The following HIP1 variants were observed in gnomAD, a reference collection of about 807,000 sequenced individuals.
HIP1 encodes huntingtin interacting protein 1.
Under a neutral mutation model 147.6 loss-of-function variants are expected in HIP1, and 65 were observed. That is an observed-to-expected ratio of 0.44 (90% CI 0.36 to 0.54). The LOEUF is 0.54. Among genes scored for constraint, HIP1 ranks in the 20% least tolerant of loss-of-function variants. The pLI is 0.00. For missense variants in HIP1, 1,061 were observed against 1,299.6 expected (o/e 0.82, Z 2.82); for synonymous variants, 479 against 504.0 (o/e 0.95, Z 0.67).
chr7:75,706,605 T>C (rs1181194605), intron 1 of HIP1, among the ~76,000 whole-genome samples: 1 of 148,004 alleles, frequency 6.8e-6, no homozygotes, highest in African/African-American at 2.5e-5. Flanking sequence ...GTTGGTTTCC[T>C]ACACCCATCA....
intron 14 of HIP1, 25 bp downstream of exon 14, chr7:75,559,707 G>GCCCCCCCCCCCCCCC: frequency 9.2e-7 from 1 of 1,087,362 alleles, no homozygotes; most frequent in Non-Finnish European, 1.2e-6. Flanking sequence ...CCCGGGGCCC[G>GCCCCCCCCCCCCCCC]CCCCCGCCCC....
intron 1 of HIP1, among the ~76,000 whole-genome samples, chr7:75,689,717 G>T (rs1428003272): frequency 6.6e-6 from 1 of 152,100 alleles, no homozygotes; most frequent in Non-Finnish European, 1.5e-5. Context: ...AACAAATCCA[G>T]GGGGAGGGCT....
intron 1 of HIP1, among the ~76,000 whole-genome samples, chr7:75,607,221 G>GTTTTTT (rs1192539117): frequency 1.4e-5 from 2 of 138,082 alleles, no homozygotes; most frequent in East Asian, 2.2e-4. Flanking sequence ...AAAAAGAGTT[G>GTTTTTT]TTTTTTGTTT....
intron 1 of HIP1, among the ~76,000 whole-genome samples, chr7:75,627,364 A>G (rs1434995296): frequency 6.6e-6 from 1 of 152,130 alleles, no homozygotes; most frequent in African/African-American, 2.4e-5. Context: ...TTAAATCTCT[A>G]TAGAATAAAG....
At chr7:75,609,915 T>G (rs1797368500) in intron 1 of HIP1, among the ~76,000 whole-genome samples, 1 of 150,630 alleles carries the variant, frequency 6.6e-6, no homozygotes, top group Non-Finnish European at 1.5e-5. Context: ...TTTTTTTTTT[T>G]TTTTTGAGAC....
intron 1 of HIP1, among the ~76,000 whole-genome samples, chr7:75,647,042 T>TA (rs782245822): frequency 2.1e-4 from 32 of 151,690 alleles, no homozygotes; most frequent in South Asian, 6.3e-4. Context: ...AGGCTCCGAG[T>TA]ACCCCTCTCA....
At chr7:75,722,746 T>C (rs1251257243) in intron 1 of HIP1, among the ~76,000 whole-genome samples, 1 of 151,970 alleles carries the variant, frequency 6.6e-6, no homozygotes, top group Non-Finnish European at 1.5e-5. Flanking sequence ...TAGCACTTGA[T>C]AAAAAAAAAT....
chr7:75,715,397 G>A (rs1201040231), intron 1 of HIP1, among the ~76,000 whole-genome samples: 4 of 149,862 alleles, frequency 2.7e-5, no homozygotes, highest in African/African-American at 7.4e-5. Context: ...AGAAAAAAAG[G>A]GTGAAAAGAA....
chr7:75,596,706 C>T (rs1211405783), intron 2 of HIP1, among the ~76,000 whole-genome samples: 1 of 152,148 alleles, frequency 6.6e-6, no homozygotes, highest in Non-Finnish European at 1.5e-5. Context: ...TTTGTCCAAC[C>T]TTTGATTGAA....
intron 1 of HIP1, among the ~76,000 whole-genome samples, chr7:75,677,514 G>A (rs1459021732): frequency 6.8e-6 from 1 of 146,686 alleles, no homozygotes; most frequent in Non-Finnish European, 1.5e-5. Context: ...GTTGAGGCAT[G>A]AGAATTGCTT....
chr7:75,599,956 C>T (rs1308140894), intron 1 of HIP1, among the ~76,000 whole-genome samples: 1 of 151,610 alleles, frequency 6.6e-6, no homozygotes, highest in Non-Finnish European at 1.5e-5. Flanking sequence ...CCGCCTCAGC[C>T]TCCCGAGTAG....
chr7:75,636,566 GGC>G (rs1798435779), intron 1 of HIP1, among the ~76,000 whole-genome samples: 1 of 152,142 alleles, frequency 6.6e-6, no homozygotes, highest in Non-Finnish European at 1.5e-5. Context: ...AAGTACTTTT[GGC>G]CTCTTGCAGG....
At chr7:75,597,759 T>TAAAAAAACA (rs1554502231) in intron 2 of HIP1, among the ~76,000 whole-genome samples, 1 of 44,120 alleles carries the variant, frequency 2.3e-5, no homozygotes, top group Non-Finnish European at 4.5e-5. Context: ...AAAAAAAAAG[T>TAAAAAAACA]CCCAACTCTG....
At chr7:75,711,620 T>G (rs187605841) in intron 1 of HIP1, among the ~76,000 whole-genome samples, 2 of 152,328 alleles carry the variant, frequency 1.3e-5, no homozygotes, top group East Asian at 3.9e-4. Context: ...TTTACTTTTT[T>G]GGACATTATC....
At chr7:75,564,435 C>T (rs1795336194) in intron 9 of HIP1, among the ~76,000 whole-genome samples, 1 of 152,028 alleles carries the variant, frequency 6.6e-6, no homozygotes, top group Non-Finnish European at 1.5e-5. Flanking sequence ...GCTGGGATTA[C>T]AAGCATGTGC....
At chr7:75,549,372 CTTT>C (rs60654435) in intron 22 of HIP1, among the ~76,000 whole-genome samples, 7 of 121,180 alleles carry the variant, frequency 5.8e-5, no homozygotes, top group Non-Finnish European at 8.8e-5. Context: ...CTTTTCTTTT[CTTT>C]TTTTTTTTTT....
At chr7:75,709,408 C>T (rs181332959) in intron 1 of HIP1, among the ~76,000 whole-genome samples, 10 of 152,178 alleles carry the variant, frequency 6.6e-5, no homozygotes, top group Non-Finnish European at 8.8e-5. Context: ...CCACCTCACC[C>T]GGCCCCAGTA....
chr7:75,576,144 C>A (rs1282632332), intron 7 of HIP1, among the ~76,000 whole-genome samples: 1 of 152,172 alleles, frequency 6.6e-6, no homozygotes, highest in African/African-American at 2.4e-5. Context: ...TCATCACGGA[C>A]AAGTTGCTCA....
At position 75,706,644 on chromosome 7, in the gene HIP1, T is replaced by A. The variant is rs1466597188; in HGVS notation, c.120+32157A>T. 5.7e-4 allele frequency among the ~76,000 whole-genome samples: 47 copies of A among 82,978 alleles called. 1 individual carries two copies. Among genetic ancestry groups the A allele is most frequent in the African/African-American group, 1.1e-3 (19 of 17,770 alleles). 54.4% of individuals were successfully genotyped at this position (82,978 alleles called of 152,430 possible). On this transcript the variant is annotated intron_variant, in intron 1 of 30. Transcript: ENST00000336926. ...CGTCATTTTTTTTTTTTTTTTTTTT[T>A]ATTATACTCTAAGTTTTAGGGTACA...
Sources: allele counts gnomAD v4.1 joint callset (sites outside exome capture counted in the v4.1 genomes callset), GRCh38; gene constraint gnomAD v4.1.1; transcripts MANE v1.5; gene names NCBI Gene and HGNC (gene_info 2026-07-23, HGNC 2026-07-21).